PSMD11: variants seen among roughly 807,000 people sequenced by gnomAD.
PSMD11 encodes the protein 26S proteasome non-ATPase regulatory subunit 11.
Under a neutral mutation model 62.3 loss-of-function variants are expected in PSMD11, and 5 were observed. The observed-to-expected ratio is 0.08, with a 90% CI of 0.04 to 0.17. The LOEUF is 0.17. Ranked by LOEUF, PSMD11 falls within the 10% of genes least tolerant of loss-of-function variation. PSMD11 has a pLI of 1.00. For missense variants in PSMD11, 310 were observed against 512.9 expected (o/e 0.60, Z 3.82); for synonymous variants, 191 against 191.8 (o/e 1.00, Z 0.03).
At position 32,481,744 on chromosome 17, in the gene PSMD11, T is replaced by A. The variant is rs2150841929; in HGVS notation, c.*992T>A. On this transcript the variant is annotated 3_prime_UTR_variant, in exon 14 of 14. Coordinates refer to ENST00000261712, the MANE Select transcript of PSMD11 (RefSeq NM_002815.4). ...CCACTCCTCCTCTCCTACTTTCAGA[T>A]GGATTTATTCCTTTTTTAAACAATG... The A allele has an allele frequency of 6.6e-6, 1 of 152,268 alleles. No individual in the cohort carries two copies. Among genetic ancestry groups the A allele is most frequent in the South Asian group, 2.1e-4 (1 of 4,822 alleles). The allele number at this position is 152,268 out of a possible 1,614,324, so 9.4% of individuals were successfully genotyped here. A position where few individuals can be genotyped will look rare whatever the true frequency, so the allele number is the denominator to read the frequency against.
At chr17:32,468,883 T>C (rs1908074242) in intron 5 of PSMD11, 116 bp from the exon 6 acceptor site, 2 of 1,029,664 alleles carry the variant, frequency 1.9e-6, no homozygotes, top group Non-Finnish European at 1.4e-6. Flanking sequence ...GTAACCTTTT[T>C]TGAGTTCAGG....
chr17:32,470,205 A>C (rs531067277), intron 6 of PSMD11, among the ~76,000 whole-genome samples: 1 of 151,836 alleles, frequency 6.6e-6, no homozygotes, highest in African/African-American at 2.4e-5. Flanking sequence ...GGGTTTCGCC[A>C]TGTTGCCCAG....
chr17:32,471,260 A>G lies in PSMD11; in HGVS notation c.643+2067A>G, dbSNP rs114471133. Among the ~76,000 whole-genome samples, 1,217 of 152,332 alleles carry G rather than the reference A, an allele frequency of 8.0e-3. 18 individuals are homozygous for G. The highest frequency in any genetic ancestry group is 0.028 in the African/African-American group (1,162 of 41,562). ...ATCCCAAGTGATAGCATAGGTTGGC[A>G]GTAGTAGCAGGTTCAATCAAAGTTA... On this transcript the variant is annotated intron_variant, in intron 6 of 13. Coordinates refer to ENST00000261712, the MANE Select transcript of PSMD11 (RefSeq NM_002815.4).
chr17:32,471,616 C>T (rs1044558793), intron 6 of PSMD11, among the ~76,000 whole-genome samples: 1 of 152,164 alleles, frequency 6.6e-6, no homozygotes, highest in African/African-American at 2.4e-5. Context: ...AGGTCAACTC[C>T]CTGACCTGTG....
intron 10 of PSMD11, 74 bp from the exon 11 acceptor site, chr17:32,479,777 C>A: frequency 6.6e-7 from 1 of 1,515,242 alleles, no homozygotes; most frequent in Admixed American, 1.7e-5. Context: ...AGTTCTCCCC[C>A]TGTTCCCTCC....
intron 6 of PSMD11, among the ~76,000 whole-genome samples, chr17:32,471,477 T>C (rs1195255470): frequency 6.6e-6 from 1 of 152,224 alleles, no homozygotes; most frequent in African/African-American, 2.4e-5. Flanking sequence ...AATGAAAATA[T>C]AAGATGTTGG....
Position 32,477,665 on chromosome 17 carries a change from A to C in PSMD11, c.912+82A>C, listed in dbSNP as rs1324308058. 6 of 1,292,650 alleles carry C rather than the reference A, an allele frequency of 4.6e-6. No homozygotes were observed. The South Asian group carries it at 7.9e-5, about 17-fold the overall frequency. 80.1% of individuals were successfully genotyped at this position (1,292,650 alleles called of 1,614,324 possible). A position where few individuals can be genotyped will look rare whatever the true frequency, so the allele number is the denominator to read the frequency against. On this transcript the variant is annotated intron_variant, in intron 9 of 13. Coordinates refer to ENST00000261712, the MANE Select transcript of PSMD11 (RefSeq NM_002815.4). ...ACTTCAAAACACACTTTTAAAAATA[A>C]TTATAGTTTCAAAAGAAGTTGCAAA... is the stretch of plus-strand genomic sequence containing the variant.
chr17:32,481,959 G>T lies in PSMD11; in HGVS notation c.*1207G>T, dbSNP rs1236931501. 1 of 152,124 alleles carries T rather than the reference G, an allele frequency of 6.6e-6. No individual in the cohort carries two copies. Among genetic ancestry groups the T allele is most frequent in the African/African-American group, 2.4e-5 (1 of 41,404 alleles). The allele number at this position is 152,124 out of a possible 1,614,324, so 9.4% of individuals were successfully genotyped here. On this transcript the variant is annotated 3_prime_UTR_variant, in exon 14 of 14. Transcript: ENST00000261712. ...TTGTTTTCTGACACGATTACACAGC[G>T]AGGCTTTAATGCCATTTGGGTAGGT...
At chr17:32,456,947 G>A (rs1392081658) in intron 3 of PSMD11, among the ~76,000 whole-genome samples, 2 of 152,204 alleles carry the variant, frequency 1.3e-5, no homozygotes, top group East Asian at 1.9e-4. Context: ...GATTACAGGC[G>A]TGAGCCACTG....
At chr17:32,474,035 G>C in intron 7 of PSMD11, 90 bp downstream of exon 7, 2 of 1,492,396 alleles carry the variant, frequency 1.3e-6, no homozygotes, top group Non-Finnish European at 1.8e-6. Flanking sequence ...AGGGAGTTTG[G>C]CCAGTTACAG....
intron 3 of PSMD11, among the ~76,000 whole-genome samples, chr17:32,456,451 C>CA (rs1343092320): frequency 6.6e-6 from 1 of 152,136 alleles, no homozygotes. Context: ...TGGCTCACTG[C>CA]AACCCCCGCC....
At chr17:32,448,053 G>A (rs1219392409) in intron 2 of PSMD11, among the ~76,000 whole-genome samples, 1 of 151,718 alleles carries the variant, frequency 6.6e-6, no homozygotes, top group Non-Finnish European at 1.5e-5. Flanking sequence ...GCTAATTTTT[G>A]TATTTTTAAT....
At chr17:32,465,207 G>A (rs1471558362) in intron 5 of PSMD11, among the ~76,000 whole-genome samples, 1 of 152,022 alleles carries the variant, frequency 6.6e-6, no homozygotes, top group Admixed American at 6.6e-5. Context: ...TGCAACCTCT[G>A]CCTTTCAGGT....
At chr17:32,454,369 A>G in intron 2 of PSMD11, 126 bp from the exon 3 acceptor site, 1 of 915,494 alleles carries the variant, frequency 1.1e-6, no homozygotes, top group Non-Finnish European at 1.7e-6. Flanking sequence ...ACTCCTAGTA[A>G]GTTTCACTTA....
chr17:32,474,839 G>T lies in PSMD11; in HGVS notation c.849+15G>T. 6.2e-7 allele frequency: 1 copy of T among 1,610,908 alleles called. No homozygotes were observed. The highest frequency in any genetic ancestry group is 1.1e-5 in the South Asian group (1 of 91,008). ...CAGGGAGGCAGGTAGGGACTCCCTT[G>T]ACTGCAGTTCTGCTCACTCTGAGAC... On this transcript the variant is annotated intron_variant, in intron 8 of 13. Coordinates refer to ENST00000261712, the MANE Select transcript of PSMD11 (RefSeq NM_002815.4).
At chr17:32,468,890 C>CTAG in intron 5 of PSMD11, 109 bp from the exon 6 acceptor site, 1 of 1,043,524 alleles carries the variant, frequency 9.6e-7, no homozygotes. Flanking sequence ...TTTTTGAGTT[C>CTAG]AGGAATTTTT....
chr17:32,457,662 G>A (rs866244410), intron 3 of PSMD11, among the ~76,000 whole-genome samples: 1 of 152,156 alleles, frequency 6.6e-6, no homozygotes, highest in Admixed American at 6.5e-5. Flanking sequence ...GGAGCAAATT[G>A]TGAATCATCC....
rs1246109524 is a variant in PSMD11 at position 32,481,983 on chromosome 17, G to A, written c.*1231G>A. On this transcript the variant is annotated 3_prime_UTR_variant, in exon 14 of 14. Coordinates refer to ENST00000261712, the MANE Select transcript of PSMD11 (RefSeq NM_002815.4). ...CGAGGCTTTAATGCCATTTGGGTAG[G>A]TGAGCTTCTGCACTTCTGTTGTGCT... The A allele has an allele frequency of 6.6e-6, 1 of 152,092 alleles. No homozygotes were observed. Among genetic ancestry groups the A allele is most frequent in the African/African-American group, 2.4e-5 (1 of 41,400 alleles). The allele number at this position is 152,092 out of a possible 1,614,324, so 9.4% of individuals were successfully genotyped here. A position where few individuals can be genotyped will look rare whatever the true frequency, so the allele number is the denominator to read the frequency against.
chr17:32,449,704 A>G (rs1272533126), intron 2 of PSMD11, among the ~76,000 whole-genome samples: 1 of 152,250 alleles, frequency 6.6e-6, no homozygotes, highest in Non-Finnish European at 1.5e-5. Context: ...TTTGATGAGT[A>G]TAGGTATACA....
Sources: gnomAD v4.1 joint callset for allele counts (sites outside exome capture counted in the v4.1 genomes callset) on GRCh38, gnomAD v4.1.1 for gene constraint, MANE v1.5 for transcripts, NCBI Gene and HGNC (gene_info 2026-07-23, HGNC 2026-07-21) for gene names.